LPCAT2: variants seen among roughly 807,000 people sequenced by gnomAD.
LPCAT2 encodes the protein 1-AGP acyltransferase 11.
LPCAT2 carries 58 observed loss-of-function variants against 64.7 expected under a neutral mutation model. The observed-to-expected ratio is 0.90, with a 90% CI of 0.73 to 1.12. The LOEUF is 1.12. Among genes scored for constraint, LPCAT2 ranks in the 50% most tolerant of loss-of-function variants. LPCAT2 has a pLI of 0.00. For missense variants in LPCAT2, 579 were observed against 669.8 expected (o/e 0.86, Z 1.50); for synonymous variants, 252 against 245.3 (o/e 1.03, Z -0.26).
rs999229717 is a variant in LPCAT2 at position 55,528,479 on chromosome 16, A to C, written c.414A>C (p.Ala138=). 3 of 1,613,912 alleles carry C rather than the reference A, an allele frequency of 1.9e-6. No individual in the cohort carries two copies. In the African/African-American group the frequency reaches 4.0e-5, roughly 22 times the overall value. The change falls in exon 3 of 14, where the codon GCA becomes GCC. Residue 138 remains alanine (A), a synonymous_variant. Coordinates refer to ENST00000262134, the MANE Select transcript of LPCAT2 (RefSeq NM_017839.5). ...GAAAGATTGCAAGTCCTTTGGAAGC[A>C]CCAGTTTTTGTTGCTGCCCCTCATT... ...VKGKIASPLE[A]PVFVAAPHST... is the part of the protein sequence containing the mutation.
intron 11 of LPCAT2, among the ~76,000 whole-genome samples, chr16:55,555,423 T>C (rs1190904417): frequency 2.0e-5 from 3 of 152,218 alleles, no homozygotes; most frequent in African/African-American, 7.2e-5. Flanking sequence ...TTGTTCAAAG[T>C]TGCCAGTTAT....
At chr16:55,519,803 T>C (rs544668888) in intron 1 of LPCAT2, among the ~76,000 whole-genome samples, 2 of 152,282 alleles carry the variant, frequency 1.3e-5, no homozygotes, top group East Asian at 1.9e-4. Flanking sequence ...TCTTACACTT[T>C]CTGTGAAGTG....
chr16:55,559,496 C>T (rs1387882721), intron 11 of LPCAT2, among the ~76,000 whole-genome samples: 2 of 152,128 alleles, frequency 1.3e-5, no homozygotes, highest in Non-Finnish European at 2.9e-5. Flanking sequence ...CCAATAATAA[C>T]AAACATCCTT....
chr16:55,570,379 T>G (rs1189994219), intron 11 of LPCAT2, among the ~76,000 whole-genome samples: 1 of 152,092 alleles, frequency 6.6e-6, no homozygotes, highest in East Asian at 1.9e-4. Context: ...TCTTAGCACT[T>G]TGGGAGGCTG....
At chr16:55,581,611 C>G (rs1963887237) in intron 13 of LPCAT2, among the ~76,000 whole-genome samples, 1 of 152,134 alleles carries the variant, frequency 6.6e-6, no homozygotes, top group Non-Finnish European at 1.5e-5. Flanking sequence ...TGTCATGAAG[C>G]AGACCCTTGC....
At chr16:55,550,273 G>A (rs1963501000) in intron 10 of LPCAT2, among the ~76,000 whole-genome samples, 1 of 152,108 alleles carries the variant, frequency 6.6e-6, no homozygotes, top group Non-Finnish European at 1.5e-5. Flanking sequence ...GCAAAGATAG[G>A]CTATGATGTA....
chr16:55,517,588 C>G (rs1399872653), intron 1 of LPCAT2, among the ~76,000 whole-genome samples: 1 of 152,030 alleles, frequency 6.6e-6, no homozygotes, highest in African/African-American at 2.4e-5. Context: ...ATGCAAAAAT[C>G]CTCAATAAAA....
At chr16:55,519,044 G>A (rs1963054014) in intron 1 of LPCAT2, among the ~76,000 whole-genome samples, 1 of 152,002 alleles carries the variant, frequency 6.6e-6, no homozygotes, top group Non-Finnish European at 1.5e-5. Flanking sequence ...AGAGTAGAGT[G>A]TTCAAAACAT....
chr16:55,539,168 A>G (rs966470747), intron 8 of LPCAT2: 6 of 152,004 alleles, frequency 3.9e-5, no homozygotes, highest in South Asian at 2.1e-4. Context: ...AAACTGCATT[A>G]CAACAGAGGT....
At position 55,528,392 on chromosome 16, in the gene LPCAT2, A is replaced by G; in HGVS notation, c.327A>G (p.Thr109=). 2 of 1,613,214 alleles carry G rather than the reference A, an allele frequency of 1.2e-6. No homozygotes were observed. The highest frequency in any genetic ancestry group is 1.1e-5 in the South Asian group (1 of 90,886). Residue 109 remains threonine (T), a synonymous_variant, in exon 3 of 14, where the codon ACA becomes ACG. Transcript: ENST00000262134. ...ITGWRRKITQ[T]ALKFLGRAMF... ...ATTTTCAAAGGAAAATTACTCAAAC[A>G]GCTTTGAAATTTCTGGGTCGTGCTA...
At chr16:55,520,494 T>C (rs1963079827) in intron 1 of LPCAT2, among the ~76,000 whole-genome samples, 1 of 151,970 alleles carries the variant, frequency 6.6e-6, no homozygotes, top group Non-Finnish European at 1.5e-5. Context: ...TATAGAAAAT[T>C]TGAACATTGG....
intron 4 of LPCAT2, among the ~76,000 whole-genome samples, chr16:55,531,166 A>C (rs1230510240): frequency 2.6e-5 from 4 of 152,148 alleles, no homozygotes; most frequent in African/African-American, 9.7e-5. Flanking sequence ...AATGTAGCCC[A>C]ATAATATTTT....
chr16:55,547,361 GA>G (rs1221369026), intron 9 of LPCAT2, among the ~76,000 whole-genome samples: 2 of 152,186 alleles, frequency 1.3e-5, no homozygotes, highest in Non-Finnish European at 2.9e-5. Context: ...CCTCACATGT[GA>G]AATGGGAGTT....
Position 55,583,219 on chromosome 16 carries a change from A to G in LPCAT2, c.*121A>G, listed in dbSNP as rs1963907139. ...AAAATTGAAAGATTTTTAAAACAAAAATGATAGATTTTCTTACTAAAAATG... is the reference window on the plus strand; with the variant it reads ...AAAATTGAAAGATTTTTAAAACAAAGATGATAGATTTTCTTACTAAAAATG... On this transcript the variant is annotated 3_prime_UTR_variant, in exon 14 of 14. Coordinates refer to ENST00000262134, the MANE Select transcript of LPCAT2 (RefSeq NM_017839.5). 1 of 750,372 alleles carries G rather than the reference A, an allele frequency of 1.3e-6. No individual in the cohort carries two copies. Among genetic ancestry groups the G allele is most frequent in the Non-Finnish European group, 2.0e-6 (1 of 494,932 alleles). 46.5% of individuals were successfully genotyped at this position (750,372 alleles called of 1,614,324 possible). A position where few individuals can be genotyped will look rare whatever the true frequency, so the allele number is the denominator to read the frequency against.
intron 11 of LPCAT2, among the ~76,000 whole-genome samples, chr16:55,564,193 G>A (rs1388038898): frequency 6.6e-6 from 1 of 151,894 alleles, no homozygotes; most frequent in African/African-American, 2.4e-5. Flanking sequence ...ACTGCTGAAA[G>A]AAATTGAAGA....
At chr16:55,535,461 A>T (rs774016699) in intron 7 of LPCAT2, among the ~76,000 whole-genome samples, 1 of 152,218 alleles carries the variant, frequency 6.6e-6, no homozygotes, top group Non-Finnish European at 1.5e-5. Context: ...CATATGAAAC[A>T]CTTATATTCT....
rs745348995 is a variant in LPCAT2, at chr16:55,509,331, C to A, written c.150C>A (p.Ile50=). 5 of 1,450,948 alleles carry A rather than the reference C, an allele frequency of 3.4e-6. No individual in the cohort carries two copies. The highest frequency in any genetic ancestry group is 1.8e-4 in the Middle Eastern group (1 of 5,458). 89.9% of individuals were successfully genotyped at this position (1,450,948 alleles called of 1,614,324 possible). A position where few individuals can be genotyped will look rare whatever the true frequency, so the allele number is the denominator to read the frequency against. The part of the protein sequence containing the change: ...VPNPFVQQTQ[I]GSARRVQIVL... ...ACCCCTTCGTGCAGCAGACGCAGAT[C>A]GGCTCCGCGAGGCGGGTCCAGGTGA... Residue 50 remains isoleucine (I), a synonymous_variant, in exon 1 of 14, where the codon ATC becomes ATA. Transcript: ENST00000262134.
At chr16:55,531,885 A>C (rs747594731) in intron 4 of LPCAT2, 29 bp from the exon 5 acceptor site, 1 of 1,383,556 alleles carries the variant, frequency 7.2e-7, no homozygotes, top group South Asian at 1.2e-5. Context: ...ATTAGATTGA[A>C]ATATTAAATC....
intron 1 of LPCAT2, among the ~76,000 whole-genome samples, chr16:55,521,334 T>A (rs762572674): frequency 6.6e-6 from 1 of 151,778 alleles, no homozygotes. Flanking sequence ...TTATTTTGTA[T>A]CCACACATAT....
Sources: allele counts gnomAD v4.1 joint callset (sites outside exome capture counted in the v4.1 genomes callset), GRCh38; gene constraint gnomAD v4.1.1; transcripts MANE v1.5; gene names NCBI Gene and HGNC (gene_info 2026-07-23, HGNC 2026-07-21).